The following FAM3A variants were observed in gnomAD, a reference collection of about 807,000 sequenced individuals.
The protein encoded by FAM3A is protein FAM3A.
In FAM3A, 5 loss-of-function variants were observed where a neutral mutation model predicts 18.1. That is an observed-to-expected ratio of 0.28 (90% CI 0.14 to 0.58). The LOEUF (loss-of-function observed/expected upper bound fraction) is 0.58, where lower values mean the gene tolerates loss of function less well. Among genes scored for constraint, FAM3A ranks in the 20% least tolerant of loss-of-function variants. FAM3A has a pLI of 0.91. For missense variants in FAM3A, 154 were observed against 216.6 expected, an observed-to-expected ratio of 0.71 and a Z score of 1.81; for synonymous variants, 108 against 90.2, an observed-to-expected ratio of 1.20 and a Z score of -1.12.
chrX:154,506,427 C>T lies in FAM3A; in HGVS notation c.*384G>A, dbSNP rs782561651. 20 of 196,897 alleles carry T rather than the reference C, an allele frequency of 1.0e-4. 1 individual carries two copies. The highest frequency in any genetic ancestry group is 3.2e-4 in the Admixed American group (5 of 15,841). 16.2% of individuals were successfully genotyped at this position (196,897 alleles called of 1,213,427 possible). A position where few individuals can be genotyped will look rare whatever the true frequency, so the allele number is the denominator to read the frequency against. Reference sequence around the variant, plus strand: ...TCCAGAAGGGAGAGGTTCTGGAAGACGCCCCAACCTGCCGGGCTGCTCCCA... The same window carrying T: ...TCCAGAAGGGAGAGGTTCTGGAAGATGCCCCAACCTGCCGGGCTGCTCCCA... On this transcript the variant is annotated 3_prime_UTR_variant, in exon 9 of 9. Transcript: ENST00000447601.
chrX:154,506,728 T>A lies in FAM3A; in HGVS notation c.*83A>T, dbSNP rs954134439. On this transcript the variant is annotated 3_prime_UTR_variant, in exon 9 of 9. Transcript: ENST00000447601. ...AGCGCTCCTGCCCGGGTGTGGGGTG[T>A]GAGCCTCAGCCTCTGTCCGCCCGGC... 1.2e-4 allele frequency: 93 copies of A among 791,815 alleles called. No homozygotes were observed. In the African/African-American group the frequency reaches 1.8e-3, roughly 15 times the overall value. 65.3% of individuals were successfully genotyped at this position (791,815 alleles called of 1,213,427 possible). A position where few individuals can be genotyped will look rare whatever the true frequency, so the allele number is the denominator to read the frequency against.
At chrX:154,509,201 A>G in intron 3 of FAM3A, 1 of 166,458 alleles carries the variant, frequency 6.0e-6, no homozygotes, top group South Asian at 1.2e-4. Flanking sequence ...TGACAAAGAC[A>G]CACAGAGGGA....
chrX:154,511,508 A>G (rs1557222584), intron 3 of FAM3A: 12 of 220,956 alleles, frequency 5.4e-5, no homozygotes, highest in Non-Finnish European at 8.2e-5. Context: ...GCCCAGAAGA[A>G]AGAATCTCAG....
chrX:154,506,633 C>T lies in FAM3A; in HGVS notation c.*178G>A, dbSNP rs2069538147. Reference sequence around the variant, plus strand: ...GCGGCAGGGCTACCCCCTGCAGCCCCCATAGCCCCCACCACCTTGAGACCA... The same window carrying T: ...GCGGCAGGGCTACCCCCTGCAGCCCTCATAGCCCCCACCACCTTGAGACCA... On this transcript the variant is annotated 3_prime_UTR_variant, in exon 9 of 9. Coordinates refer to ENST00000447601, the MANE Select transcript of FAM3A (RefSeq NM_021806.4). The T allele has an allele frequency of 1.6e-5, 7 of 446,298 alleles. No individual in the cohort carries two copies. The highest frequency in any genetic ancestry group is 2.4e-5 in the Non-Finnish European group (6 of 254,324). 36.8% of individuals were successfully genotyped at this position (446,298 alleles called of 1,213,427 possible). A position where few individuals can be genotyped will look rare whatever the true frequency, so the allele number is the denominator to read the frequency against.
At position 154,507,347 on chromosome X, in the gene FAM3A, G is replaced by C. The variant is rs781870571; in HGVS notation, c.471-18C>G. The C allele has an allele frequency of 8.3e-7, 1 of 1,212,048 alleles. No homozygotes were observed. Among genetic ancestry groups the C allele is most frequent in the Admixed American group, 2.2e-5 (1 of 46,090 alleles). On this transcript the variant is annotated intron_variant, in intron 7 of 8. Transcript: ENST00000447601. ...CATTCATCCTGCAGCATGGGAGGAA[G>C]GGGTGTCAGCTGTTGCTGCAGAAGG...
chrX:154,507,046 C>T (rs1283640357), intron 8 of FAM3A, 140 bp from the exon 9 acceptor site: 3 of 922,580 alleles, frequency 3.3e-6, no homozygotes, highest in Non-Finnish European at 4.5e-6. Context: ...TCCACCCATC[C>T]CAGGGAAACA....
intron 3 of FAM3A, chrX:154,509,680 AAAGGTGG>A (rs2069761653): frequency 9.0e-6 from 1 of 111,612 alleles, no homozygotes; most frequent in South Asian, 3.7e-4. Flanking sequence ...CCCGTGGCAG[AAAGGTGG>A]AAGGTGGAAG....
chrX:154,508,357 G>T lies in FAM3A; in HGVS notation c.276-10C>A, dbSNP rs782351698. On this transcript the variant is annotated splice_polypyrimidine_tract_variant and intron_variant, in intron 4 of 8. Coordinates refer to ENST00000447601, the MANE Select transcript of FAM3A (RefSeq NM_021806.4). ...GACGCTGCTCATCAGCCTAGTTGGG[G>T]GGGGGTGGGGGGGACGGGGAGATCC... The T allele has an allele frequency of 6.1e-6, 3 of 492,204 alleles. No individual in the cohort carries two copies. The highest frequency in any genetic ancestry group is 9.4e-6 in the Non-Finnish European group (3 of 318,172). The allele number at this position is 492,204 out of a possible 1,213,427, so 40.6% of individuals were successfully genotyped here.
At chrX:154,508,821 G>A (rs111420995) in intron 3 of FAM3A, 5 of 508,053 alleles carry the variant, frequency 9.8e-6, no homozygotes, top group African/African-American at 9.2e-5. Context: ...ACTGGTGGGA[G>A]AAAAGAAAGG....
intron 1 of FAM3A, among the ~76,000 whole-genome samples, chrX:154,514,617 G>C (rs1313582558): frequency 2.7e-5 from 3 of 110,816 alleles, no homozygotes; most frequent in Non-Finnish European, 5.7e-5. Context: ...TGTTAGCCAG[G>C]ATGGTCTTGA....
At chrX:154,511,683 C>T (rs1557222710) in intron 3 of FAM3A, among the ~76,000 whole-genome samples, 165 bp downstream of exon 3, 1 of 112,047 alleles carries the variant, frequency 8.9e-6, no homozygotes, top group African/African-American at 3.2e-5. Context: ...CAGGAAGTAA[C>T]TTGGCAGGAA....
In FAM3A at chrX:154,507,435, G is replaced by C. The variant is rs139135137; in HGVS notation, c.441C>G (p.Phe147Leu). 8.3e-7 allele frequency: 1 copy of C among 1,211,375 alleles called. No homozygotes were observed. ...IRPLHEGTLV[F>L]VASYDDPATK... ...TGGCTGGGTCGTCGTAGGATGCCAC[G>C]AACACCAGGGTGCCTTCGTGCAGTG... The change falls in exon 7 of 9, where the codon TTC (phenylalanine) becomes TTG (leucine). Residue 147 changes from phenylalanine (F) to leucine (L), a missense_variant. Physicochemically the swap from Phe to Leu is conservative, Grantham distance 22. This residue lies in a region of FAM3A where 112 missense variants were observed against 160.0 expected (regional missense o/e 0.70). Transcript: ENST00000447601.
chrX:154,513,410 T>C (rs1235135386), intron 1 of FAM3A, among the ~76,000 whole-genome samples: 1 of 111,120 alleles, frequency 9.0e-6, no homozygotes, highest in Non-Finnish European at 1.9e-5. Flanking sequence ...GGCGGGTAGA[T>C]CATGAGGTCA....
rs1362382622 is a variant in FAM3A at position 154,507,860 on chromosome X, C to G, written c.336G>C (p.Gly112=). Reference sequence around the variant, plus strand: ...GGGCCTCGATGAGCTCGCCGCTGACCCCTGTGTCAGGAGGGAGGGGCCCTG... The same window carrying G: ...GGGCCTCGATGAGCTCGCCGCTGACGCCTGTGTCAGGAGGGAGGGGCCCTG... ...GRGLNIALVN[G]VSGELIEARA... Residue 112 remains glycine (G), a splice_region_variant and synonymous_variant, in exon 6 of 9, where the codon GGG becomes GGC. Transcript: ENST00000447601. 1 of 1,190,577 alleles carries G rather than the reference C, an allele frequency of 8.4e-7. No individual in the cohort carries two copies. Among genetic ancestry groups the G allele is most frequent in the African/African-American group, 1.7e-5 (1 of 57,219 alleles).
chrX:154,512,412 C>A, intron 2 of FAM3A: 1 of 223,332 alleles, frequency 4.5e-6, no homozygotes, highest in Non-Finnish European at 8.1e-6. Context: ...GCACTCCAGC[C>A]TGGGAGACAA....
At position 154,506,583 on chromosome X, in the gene FAM3A, G is replaced by A. The variant is rs1220522607; in HGVS notation, c.*228C>T. The stretch of plus-strand genomic sequence containing the variant: ...GAACAGTGTTACGAAAAGGAGGCGG[G>A]TACCCTGGGCTCCCGTGACAAAGTG... On this transcript the variant is annotated 3_prime_UTR_variant, in exon 9 of 9. Transcript: ENST00000447601. 2 of 416,782 alleles carry A rather than the reference G, an allele frequency of 4.8e-6. No homozygotes were observed. Among genetic ancestry groups the A allele is most frequent in the African/African-American group, 2.5e-5 (1 of 39,954 alleles). The allele number at this position is 416,782 out of a possible 1,213,427, so 34.3% of individuals were successfully genotyped here.
chrX:154,512,970 T>C (rs2069978839), intron 1 of FAM3A, 34 bp from the exon 2 acceptor site: 1 of 1,014,339 alleles, frequency 9.9e-7, no homozygotes, highest in Non-Finnish European at 1.4e-6. Context: ...TGGGGTCACC[T>C]CAGATACCAG....
Position 154,515,918 on chromosome X carries a change from C to A in FAM3A, c.-146G>T. ...GCGATCGGTGCTACGACCTGTTTGT[C>A]CAGCCGCCCGGCCAGGCAGGGCTCC... On this transcript the variant is annotated 5_prime_UTR_variant, in exon 1 of 9. Transcript: ENST00000447601. The A allele has an allele frequency of 3.4e-6, 2 of 583,498 alleles. No individual in the cohort carries two copies. Among genetic ancestry groups the A allele is most frequent in the South Asian group, 2.7e-5 (1 of 37,364 alleles). 48.1% of individuals were successfully genotyped at this position (583,498 alleles called of 1,213,427 possible).
rs371157789 is a variant in FAM3A, at chrX:154,506,766, T to C, written c.*45A>G. 9.0e-7 allele frequency: 1 copy of C among 1,106,895 alleles called. No individual in the cohort carries two copies. Among genetic ancestry groups the C allele is most frequent in the Non-Finnish European group, 1.2e-6 (1 of 802,990 alleles). 91.2% of individuals were successfully genotyped at this position (1,106,895 alleles called of 1,213,427 possible). A position where few individuals can be genotyped will look rare whatever the true frequency, so the allele number is the denominator to read the frequency against. On this transcript the variant is annotated 3_prime_UTR_variant, in exon 9 of 9. Coordinates refer to ENST00000447601, the MANE Select transcript of FAM3A (RefSeq NM_021806.4). Reference sequence around the variant, plus strand: ...CTGTCCGCCCGGCAGCGCGCGTGCCTCCCTTGGTCTGGCCTCCCTCGGCCC... The same window carrying C: ...CTGTCCGCCCGGCAGCGCGCGTGCCCCCCTTGGTCTGGCCTCCCTCGGCCC...
Sources: allele counts gnomAD v4.1 joint callset (sites outside exome capture counted in the v4.1 genomes callset), GRCh38; gene constraint gnomAD v4.1.1; regional missense constraint gnomAD v4.1.1; transcripts MANE v1.5; gene names NCBI Gene and HGNC (gene_info 2026-07-23, HGNC 2026-07-21).